Variants in TBC1D1 observed in about 807,000 individuals in gnomAD.
The protein encoded by TBC1D1 is TBC1 domain family member 1, also known as TBC1 (tre-2/USP6, BUB2, cdc16) domain family, member 1.
In TBC1D1, 89 loss-of-function variants were observed where a neutral mutation model predicts 125.6. The ratio of observed to expected loss-of-function variants is 0.71; its 90% CI spans 0.60 to 0.85. TBC1D1 has a LOEUF of 0.85. Among genes scored for constraint, TBC1D1 ranks in the 40% least tolerant of loss-of-function variants. The pLI is 0.00. For synonymous variants in TBC1D1, 565 were observed against 564.1 expected, an observed-to-expected ratio of 1.00 and a Z score of -0.02; for missense variants, 1,377 against 1,469.2, an observed-to-expected ratio of 0.94 and a Z score of 1.03.
chr4:38,088,184 T>G (rs1456036890), intron 12 of TBC1D1, among the ~76,000 whole-genome samples: 1 of 151,970 alleles, frequency 6.6e-6, no homozygotes, highest in Non-Finnish European at 1.5e-5. Context: ...AGGGCTCAAA[T>G]TAAAGACTTC....
intron 2 of TBC1D1, chr4:37,960,575 CA>C (rs774333136): frequency 1.2e-6 from 2 of 1,614,060 alleles, no homozygotes; most frequent in East Asian, 2.2e-5. Flanking sequence ...GACGTTTTGG[CA>C]AAACATACGA....
At chr4:38,080,466 C>A (rs1002686753) in intron 12 of TBC1D1, among the ~76,000 whole-genome samples, 2 of 152,340 alleles carry the variant, frequency 1.3e-5, no homozygotes, top group African/African-American at 4.8e-5. Flanking sequence ...CTTCTGACCA[C>A]CTGACCTGAC....
At chr4:38,052,712 A>ACGCGCG (rs58267781) in intron 11 of TBC1D1, among the ~76,000 whole-genome samples, 17 of 125,616 alleles carry the variant, frequency 1.4e-4, no homozygotes, top group Admixed American at 2.5e-4. Context: ...ATACACACAC[A>ACGCGCG]CGCGCGCGCG....
chr4:38,027,918 G>T (rs1289819546), intron 7 of TBC1D1, 39 bp downstream of exon 7: 10 of 1,445,684 alleles, frequency 6.9e-6, no homozygotes, highest in Non-Finnish European at 9.5e-6. Context: ...GAAAGAAAAG[G>T]CAGGCAGCTT....
chr4:37,913,206 C>A (rs949947284), intron 2 of TBC1D1, among the ~76,000 whole-genome samples: 3 of 152,136 alleles, frequency 2.0e-5, no homozygotes, highest in Non-Finnish European at 4.4e-5. Context: ...GATCCTAATT[C>A]TCTGTCCTAT....
chr4:37,916,008 C>G (rs1719655305), intron 2 of TBC1D1, among the ~76,000 whole-genome samples: 1 of 152,178 alleles, frequency 6.6e-6, no homozygotes, highest in South Asian at 2.1e-4. Flanking sequence ...TGAGAAAACC[C>G]TTGCGTGTAG....
At chr4:38,115,482 C>G (rs1481370317) in intron 15 of TBC1D1, among the ~76,000 whole-genome samples, 1 of 152,022 alleles carries the variant, frequency 6.6e-6, no homozygotes, top group Non-Finnish European at 1.5e-5. Context: ...GTACTTCCAC[C>G]AAAAAATAAA....
At chr4:38,109,080 A>C (rs754887) in intron 15 of TBC1D1, among the ~76,000 whole-genome samples, 28,344 of 152,146 alleles carry the variant, frequency 0.19, 3,398 homozygotes, top group East Asian at 0.42. Flanking sequence ...CTTTGAGTTG[A>C]AGTCCTGTGT....
At chr4:37,985,616 A>G (rs1026119980) in intron 2 of TBC1D1, among the ~76,000 whole-genome samples, 4 of 152,202 alleles carry the variant, frequency 2.6e-5, no homozygotes, top group Admixed American at 1.3e-4. Flanking sequence ...TTTAAAATCC[A>G]TTAATGTCAA....
intron 1 of TBC1D1, among the ~76,000 whole-genome samples, chr4:37,893,819 G>A (rs560756786): frequency 6.6e-6 from 1 of 152,258 alleles, no homozygotes; most frequent in South Asian, 2.1e-4. Context: ...TAGTGTTGGG[G>A]TTTGTATCCC....
intron 2 of TBC1D1, among the ~76,000 whole-genome samples, chr4:37,959,871 A>T (rs904387422): frequency 6.6e-6 from 1 of 152,094 alleles, no homozygotes; most frequent in African/African-American, 2.4e-5. Context: ...TCTCCCCACC[A>T]CTGCATGCTG....
chr4:38,124,888 T>A, intron 17 of TBC1D1, 74 bp from the exon 20 acceptor site: 1 of 1,343,114 alleles, frequency 7.4e-7, no homozygotes, highest in Non-Finnish European at 1.1e-6. Context: ...CTGTGATGTG[T>A]GGAAAAGGCA....
chr4:38,001,490 T>C (rs1739074712), intron 2 of TBC1D1, among the ~76,000 whole-genome samples: 1 of 152,198 alleles, frequency 6.6e-6, no homozygotes, highest in African/African-American at 2.4e-5. Flanking sequence ...TCCCAGGAGA[T>C]ATAGGTTGGG....
intron 2 of TBC1D1, among the ~76,000 whole-genome samples, chr4:37,942,950 G>A (rs550593365): frequency 3.9e-5 from 6 of 152,238 alleles, no homozygotes; most frequent in Non-Finnish European, 8.8e-5. Context: ...TTACATTTTG[G>A]CATGTTTTTG....
intron 18 of TBC1D1, among the ~76,000 whole-genome samples, chr4:38,128,248 C>T (rs920837420): frequency 2.6e-5 from 4 of 152,228 alleles, no homozygotes; most frequent in East Asian, 3.9e-4. Context: ...TAGATCTACC[C>T]GCATCTCTCC....
intron 12 of TBC1D1, among the ~76,000 whole-genome samples, chr4:38,074,835 C>T (rs1440965862): frequency 1.4e-4 from 21 of 151,420 alleles, no homozygotes; most frequent in Middle Eastern, 3.4e-3. Context: ...AATCTTGGCT[C>T]GCTGCAACCT....
chr4:37,976,101 T>G (rs142871487), intron 2 of TBC1D1, among the ~76,000 whole-genome samples: 3 of 152,328 alleles, frequency 2.0e-5, no homozygotes, highest in African/African-American at 7.2e-5. Flanking sequence ...ACACTGTTTT[T>G]GGATTTGTGC....
At chr4:38,044,559 G>T in intron 9 of TBC1D1, 69 bp downstream of exon 9, 2 of 1,457,404 alleles carry the variant, frequency 1.4e-6, no homozygotes, top group Non-Finnish European at 9.2e-7. Context: ...TGAGTTCTAT[G>T]CTTTTATTCC....
chr4:37,891,555 C>T (rs1204825935), intron 1 of TBC1D1, among the ~76,000 whole-genome samples: 5 of 142,812 alleles, frequency 3.5e-5, no homozygotes, highest in Non-Finnish European at 7.7e-5. Context: ...CCCCGCCGCC[C>T]TTGGACGAAA....
Sources: allele counts gnomAD v4.1 joint callset (sites outside exome capture counted in the v4.1 genomes callset), GRCh38; gene constraint gnomAD v4.1.1; transcripts MANE v1.5; gene names NCBI Gene and HGNC (gene_info 2026-07-23, HGNC 2026-07-21).